The following HDAC4 variants were observed in gnomAD, a reference collection of about 807,000 sequenced individuals.
HDAC4 encodes histone deacetylase 4.
HDAC4 carries 16 observed loss-of-function variants against 135.1 expected under a neutral mutation model. The ratio of observed to expected loss-of-function variants is 0.12; its 90% confidence interval spans 0.08 to 0.18. The LOEUF (loss-of-function observed/expected upper bound fraction) is 0.18. Ranked by LOEUF, HDAC4 falls within the 10% of genes least tolerant of loss-of-function variation. HDAC4 has a pLI of 1.00. For synonymous variants in HDAC4, 685 were observed against 653.4 expected (o/e 1.05, Z -0.74); for missense variants, 1,143 against 1,511.8 (o/e 0.76, Z 4.05).
At chr2:239,228,505 C>G (rs181445733) in intron 3 of HDAC4, among the ~76,000 whole-genome samples, 33 of 152,218 alleles carry the variant, frequency 2.2e-4, no homozygotes, top group Admixed American at 1.6e-3. Flanking sequence ...CCAGAGAAAC[C>G]TGATGTTACT....
At chr2:239,225,110 A>G (rs946018551) in intron 3 of HDAC4, among the ~76,000 whole-genome samples, 3 of 152,258 alleles carry the variant, frequency 2.0e-5, no homozygotes, top group African/African-American at 4.8e-5. Flanking sequence ...ACACTTCTAA[A>G]TATTTCATTT....
chr2:239,249,867 T>C (rs2048685441), intron 2 of HDAC4, among the ~76,000 whole-genome samples: 1 of 152,172 alleles, frequency 6.6e-6, no homozygotes, highest in South Asian at 2.1e-4. Flanking sequence ...AAAATATACA[T>C]AAGCAGTGAA....
chr2:239,389,555 A>T (rs1317868074), intron 1 of HDAC4, among the ~76,000 whole-genome samples: 3 of 151,808 alleles, frequency 2.0e-5, no homozygotes, highest in Non-Finnish European at 4.4e-5. Context: ...GAAGGAACCA[A>T]CTCCGGACAC....
intron 24 of HDAC4, chr2:239,055,133 T>C (rs2031610562): frequency 2.7e-6 from 1 of 373,448 alleles, no homozygotes; most frequent in Non-Finnish European, 5.1e-6. Flanking sequence ...GTATCTGCCA[T>C]CGACGCCACA....
Position 239,240,647 on chromosome 2 carries a change from A to G in HDAC4, c.23-3983T>C, listed in dbSNP as rs535571976. ...ACGATCGTACTGAGTGTCCTCAAAC[A>G]GCATTTAATCAGCGCTGGGGCTGCA... On this transcript the variant is annotated intron_variant, in intron 2 of 26. Transcript: ENST00000543185. This position sits in a 1 kb window ranked among gnomAD's most constrained non-coding sequence, Gnocchi z 4.5. 1.3e-5 allele frequency among the ~76,000 whole-genome samples: 2 copies of G among 152,332 alleles called. No homozygotes were observed. Among genetic ancestry groups the G allele is most frequent in the African/African-American group, 4.8e-5 (2 of 41,574 alleles).
chr2:239,156,777 G>C lies in HDAC4; in HGVS notation c.612-4C>G. The C allele has an allele frequency of 6.2e-7, 1 of 1,614,152 alleles. No individual in the cohort carries two copies. Among genetic ancestry groups the C allele is most frequent in the Non-Finnish European group, 8.5e-7 (1 of 1,180,032 alleles). On this transcript the variant is annotated splice_region_variant and splice_polypyrimidine_tract_variant and intron_variant, in intron 6 of 26. Coordinates refer to ENST00000543185, the MANE Select transcript of HDAC4 (RefSeq NM_001378414.1). ...AAGGGAACTGTGCTGCGTTTTCCTGGAGAGAAGGCAAAGACAGATGGTTTA... is the reference window on the plus strand; with the variant it reads ...AAGGGAACTGTGCTGCGTTTTCCTGCAGAGAAGGCAAAGACAGATGGTTTA...
At chr2:239,208,194 G>A (rs548581957) in intron 3 of HDAC4, among the ~76,000 whole-genome samples, 2 of 151,458 alleles carry the variant, frequency 1.3e-5, no homozygotes, top group Non-Finnish European at 2.9e-5. Context: ...GGGTGCGGTC[G>A]TGGGTGCCTG....
chr2:239,312,859 G>A (rs540724983), intron 2 of HDAC4, among the ~76,000 whole-genome samples: 65 of 152,322 alleles, frequency 4.3e-4, no homozygotes, highest in African/African-American at 1.5e-3. Context: ...GGTAGGCCAC[G>A]TTCCCCCAGT....
chr2:239,208,119 G>A (rs2046148852), intron 3 of HDAC4, among the ~76,000 whole-genome samples: 1 of 151,402 alleles, frequency 6.6e-6, no homozygotes, highest in Admixed American at 6.6e-5. Context: ...TCAGGAGATG[G>A]AGACCATCCT....
At chr2:239,268,191 T>C (rs2049854570) in intron 2 of HDAC4, among the ~76,000 whole-genome samples, 1 of 152,232 alleles carries the variant, frequency 6.6e-6, no homozygotes, top group Admixed American at 6.5e-5. Context: ...CTGGAGGAAG[T>C]GAACTTGGTC....
At chr2:239,087,436 C>A in intron 19 of HDAC4, 123 bp downstream of exon 19, 2 of 937,162 alleles carry the variant, frequency 2.1e-6, no homozygotes, top group South Asian at 1.5e-5. Context: ...GCATGCGGCA[C>A]ATCCTGGGTG....
chr2:239,115,642 GTC>G lies in HDAC4; in HGVS notation c.1534-334_1534-333del, dbSNP rs2039060777. Reference sequence around the variant, plus strand: ...AAAAGAAGCTGCAGGTGTCAACAGAGTCTGCAGAGGAGAGCTTGAGTGTGAAG... The same window carrying G: ...AAAAGAAGCTGCAGGTGTCAACAGAGTGCAGAGGAGAGCTTGAGTGTGAAG... On this transcript the variant is annotated intron_variant, in intron 12 of 26. Transcript: ENST00000543185. This position sits in a 1 kb window ranked among gnomAD's most constrained non-coding sequence, Gnocchi z 6.3. 6.6e-6 allele frequency among the ~76,000 whole-genome samples: 1 copy of G among 152,044 alleles called. No individual in the cohort carries two copies.
intron 22 of HDAC4, among the ~76,000 whole-genome samples, chr2:239,072,637 C>T (rs929654573): frequency 6.6e-6 from 1 of 152,256 alleles, no homozygotes; most frequent in Admixed American, 6.5e-5. Flanking sequence ...TGTCCCTTCC[C>T]ACCACCAAGG....
At chr2:239,080,924 G>A in intron 22 of HDAC4, 171 bp downstream of exon 22, 3 of 600,904 alleles carry the variant, frequency 5.0e-6, no homozygotes, top group Admixed American at 5.8e-5. Flanking sequence ...TAGTCGCCAA[G>A]ATTCCACGCT....
rs548615345 is a variant in HDAC4, at chr2:239,203,336, C to T, written c.95-13259G>A. 8.5e-5 allele frequency among the ~76,000 whole-genome samples: 13 copies of T among 152,338 alleles called. No individual in the cohort carries two copies. The South Asian group carries it at 2.7e-3, about 32-fold the overall frequency. ...AGAATTATTCTAGCAAAATCAGTGT[C>T]AGCTTCACACACGAGTCAAGGATAA... On this transcript the variant is annotated intron_variant, in intron 3 of 26. Coordinates refer to ENST00000543185, the MANE Select transcript of HDAC4 (RefSeq NM_001378414.1).
rs62188564 is a variant in HDAC4, at chr2:239,223,369, T to C, written c.94+13224A>G. Among the ~76,000 whole-genome samples the C allele has an allele frequency of 1.6e-4, 25 of 152,264 alleles. No homozygotes were observed. The South Asian group carries it at 3.5e-3, about 21-fold the overall frequency. Reference sequence around the variant, plus strand: ...GCAGCAACGTACATTCCGCCGGGGCTTTCTGGAGACCGGCGTGGGCTGCAG... The same window carrying C: ...GCAGCAACGTACATTCCGCCGGGGCCTTCTGGAGACCGGCGTGGGCTGCAG... On this transcript the variant is annotated intron_variant, in intron 3 of 26. Transcript: ENST00000543185.
chr2:239,324,627 G>T (rs1183205234), intron 2 of HDAC4, among the ~76,000 whole-genome samples: 2 of 152,212 alleles, frequency 1.3e-5, no homozygotes, highest in Non-Finnish European at 2.9e-5. Flanking sequence ...TGACAGGATG[G>T]TCGGAAGAGC....
intron 2 of HDAC4, among the ~76,000 whole-genome samples, chr2:239,280,371 A>G (rs2050634212): frequency 6.6e-6 from 1 of 152,158 alleles, no homozygotes; most frequent in Non-Finnish European, 1.5e-5. Context: ...CACGAAGAAC[A>G]TTAGAGGAAT....
chr2:239,202,852 G>T lies in HDAC4; in HGVS notation c.95-12775C>A, dbSNP rs560971422. 2.0e-5 allele frequency among the ~76,000 whole-genome samples: 3 copies of T among 152,362 alleles called. No homozygotes were observed. In the East Asian group the frequency reaches 5.8e-4, roughly 29 times the overall value. On this transcript the variant is annotated intron_variant, in intron 3 of 26. Transcript: ENST00000543185. ...GGATGCCACGAGTGTGTCCAGGAGG[G>T]CGCAGGGCTGCAGGTTTTGGCATGT...
Sources: gnomAD v4.1 joint callset for allele counts (sites outside exome capture counted in the v4.1 genomes callset) on GRCh38, gnomAD v4.1.1 for gene constraint, Gnocchi (gnomAD v3.1) non-coding constraint, MANE v1.5 for transcripts, NCBI Gene and HGNC (gene_info 2026-07-23, HGNC 2026-07-21) for gene names.